NXPH2: variants seen among roughly 807,000 people sequenced by gnomAD.
NXPH2 encodes neurexophilin 2, also known as neurexophilin-2.
In NXPH2, 5 loss-of-function variants were observed where a neutral mutation model predicts 19.8. That is an observed-to-expected ratio of 0.25 (90% CI 0.13 to 0.53). The LOEUF is 0.53. Ranked by LOEUF, NXPH2 falls within the 20% of genes least tolerant of loss-of-function variation. NXPH2 has a pLI of 0.96. For synonymous variants in NXPH2, 154 were observed against 127.4 expected, an observed-to-expected ratio of 1.21 and a Z score of -1.41; for missense variants, 289 against 322.8, an observed-to-expected ratio of 0.90 and a Z score of 0.80.
At chr2:138,753,698 T>C (rs1415762269) in intron 1 of NXPH2, among the ~76,000 whole-genome samples, 2 of 152,162 alleles carry the variant, frequency 1.3e-5, no homozygotes, top group Non-Finnish European at 2.9e-5. Flanking sequence ...CATCACCAAA[T>C]AGATCACTGT....
At chr2:138,677,219 C>T (rs926890987) in intron 1 of NXPH2, among the ~76,000 whole-genome samples, 13 of 152,094 alleles carry the variant, frequency 8.5e-5, no homozygotes, top group Admixed American at 7.9e-4. Flanking sequence ...TTTCAGTATC[C>T]CTGCTGTCTT....
chr2:138,743,121 T>C (rs1681670331), intron 1 of NXPH2, among the ~76,000 whole-genome samples: 1 of 152,220 alleles, frequency 6.6e-6, no homozygotes, highest in African/African-American at 2.4e-5. Flanking sequence ...AGAGGTATGC[T>C]ACTGTCAAAA....
At chr2:138,696,143 G>A (rs1048500764) in intron 1 of NXPH2, among the ~76,000 whole-genome samples, 2 of 152,140 alleles carry the variant, frequency 1.3e-5, no homozygotes, top group Admixed American at 1.3e-4. Flanking sequence ...GAATAAACAA[G>A]TACAATCTTC....
intron 1 of NXPH2, among the ~76,000 whole-genome samples, chr2:138,683,382 A>G (rs1680605389): frequency 6.6e-6 from 1 of 152,178 alleles, no homozygotes; most frequent in East Asian, 1.9e-4. Flanking sequence ...TTAAAAAGGA[A>G]AGTTGCAATG....
At chr2:138,750,085 G>T (rs1230485681) in intron 1 of NXPH2, among the ~76,000 whole-genome samples, 2 of 152,042 alleles carry the variant, frequency 1.3e-5, no homozygotes, top group African/African-American at 4.8e-5. Flanking sequence ...ATACACAAGG[G>T]ATACATACAC....
chr2:138,769,232 G>A (rs1682136653), intron 1 of NXPH2, among the ~76,000 whole-genome samples: 1 of 152,216 alleles, frequency 6.6e-6, no homozygotes, highest in Non-Finnish European at 1.5e-5. Flanking sequence ...CTGTGATAGT[G>A]ATGACATGGC....
intron 1 of NXPH2, among the ~76,000 whole-genome samples, chr2:138,733,465 T>C (rs1316610830): frequency 6.6e-6 from 1 of 152,188 alleles, no homozygotes; most frequent in Non-Finnish European, 1.5e-5. Context: ...AGATAGTTAA[T>C]ATTTCAGGTA....
chr2:138,698,662 C>T (rs1680866160), intron 1 of NXPH2, among the ~76,000 whole-genome samples: 1 of 152,048 alleles, frequency 6.6e-6, no homozygotes, highest in Non-Finnish European at 1.5e-5. Flanking sequence ...CAAGGTCAAC[C>T]TGGGCAAGAT....
intron 1 of NXPH2, among the ~76,000 whole-genome samples, chr2:138,695,344 A>G (rs1232919257): frequency 6.6e-6 from 1 of 152,224 alleles, no homozygotes; most frequent in Non-Finnish European, 1.5e-5. Flanking sequence ...CATATGTAGG[A>G]ATAGCCTTAG....
At chr2:138,703,549 G>T (rs1275229580) in intron 1 of NXPH2, among the ~76,000 whole-genome samples, 1 of 152,184 alleles carries the variant, frequency 6.6e-6, no homozygotes, top group African/African-American at 2.4e-5. Context: ...CATTGGAGAG[G>T]TTCGCATATT....
At chr2:138,712,536 A>C in intron 1 of NXPH2, among the ~76,000 whole-genome samples, 1 of 152,200 alleles carries the variant, frequency 6.6e-6, no homozygotes, top group East Asian at 1.9e-4. Context: ...AGGAGCCTTC[A>C]AGTGCAGTTC....
chr2:138,765,081 C>A (rs1371089084), intron 1 of NXPH2, among the ~76,000 whole-genome samples: 1 of 152,164 alleles, frequency 6.6e-6, no homozygotes, highest in Non-Finnish European at 1.5e-5. Context: ...TCTATAACTT[C>A]CAAGGCAAAG....
At chr2:138,733,902 A>C (rs547999491) in intron 1 of NXPH2, among the ~76,000 whole-genome samples, 9 of 152,330 alleles carry the variant, frequency 5.9e-5, no homozygotes, top group Middle Eastern at 3.4e-3. Context: ...GAAAAGACGT[A>C]GGGGAAAATG....
At chr2:138,686,103 T>C (rs1181328507) in intron 1 of NXPH2, among the ~76,000 whole-genome samples, 1 of 152,210 alleles carries the variant, frequency 6.6e-6, no homozygotes, top group African/African-American at 2.4e-5. Flanking sequence ...CTTTGGGAAA[T>C]GTTTTAAATC....
chr2:138,724,635 C>T (rs1444279558), intron 1 of NXPH2, among the ~76,000 whole-genome samples: 5 of 152,112 alleles, frequency 3.3e-5, no homozygotes, highest in Admixed American at 2.6e-4. Context: ...AGGGTGTTGA[C>T]GACACTGAGT....
intron 1 of NXPH2, among the ~76,000 whole-genome samples, chr2:138,736,658 T>G (rs559515019): frequency 6.6e-6 from 1 of 152,252 alleles, no homozygotes; most frequent in Admixed American, 6.5e-5. Context: ...AGGTTACTTA[T>G]GCAAATTTCT....
chr2:138,726,055 T>G (rs911875379), intron 1 of NXPH2, among the ~76,000 whole-genome samples: 1 of 152,168 alleles, frequency 6.6e-6, no homozygotes, highest in Non-Finnish European at 1.5e-5. Context: ...ATTTTGTTTT[T>G]GTTTTGAGAT....
At chr2:138,759,729 CTTTT>C (rs772878668) in intron 1 of NXPH2, among the ~76,000 whole-genome samples, 142 of 126,552 alleles carry the variant, frequency 1.1e-3, no homozygotes, top group African/African-American at 4.1e-3. Context: ...CCTATGCCAC[CTTTT>C]TTTTTTTTTT....
rs948324177 is a variant in NXPH2 at position 138,749,246 on chromosome 2, C to T, written c.51+30945G>A. Among the ~76,000 whole-genome samples the T allele has an allele frequency of 2.7e-4, 41 of 152,228 alleles. 1 individual carries two copies. The highest frequency in any genetic ancestry group is 9.9e-4 in the African/African-American group (41 of 41,546). On this transcript the variant is annotated intron_variant, in intron 1 of 1. Transcript: ENST00000272641. ...CTGCTGCCATGTGAAGAAAGACATGCTTGCTTCCCCTTCCAACATAATTGT... is the reference window on the plus strand; with the variant it reads ...CTGCTGCCATGTGAAGAAAGACATGTTTGCTTCCCCTTCCAACATAATTGT...
Sources: allele counts gnomAD v4.1 joint callset (sites outside exome capture counted in the v4.1 genomes callset), GRCh38; gene constraint gnomAD v4.1.1; transcripts MANE v1.5; gene names NCBI Gene and HGNC (gene_info 2026-07-23, HGNC 2026-07-21).